EREG: variants seen among roughly 807,000 people sequenced by gnomAD.
EREG encodes the protein proepiregulin.
Under a neutral mutation model 22.4 loss-of-function variants are expected in EREG, and 23 were observed. The observed-to-expected ratio is 1.03, with a 90% confidence interval of 0.74 to 1.46. EREG has a LOEUF of 1.46. Ranked by LOEUF, EREG falls within the 40% of genes most tolerant of loss-of-function variation. The pLI, the probability that EREG is intolerant of heterozygous loss-of-function variation, is 0.00. For missense variants in EREG, 226 were observed against 205.9 expected (o/e 1.10, Z -0.60); for synonymous variants, 100 against 75.4 (o/e 1.33, Z -1.69).
chr4:74,384,120 T>G (rs1473045699), intron 4 of EREG, among the ~76,000 whole-genome samples: 23 of 152,188 alleles, frequency 1.5e-4, no homozygotes, highest in Admixed American at 1.5e-3. Flanking sequence ...GATAAATCTA[T>G]GAATCCTAGC....
intron 1 of EREG, among the ~76,000 whole-genome samples, chr4:74,368,424 T>C (rs1752227082): frequency 6.6e-6 from 1 of 152,166 alleles, no homozygotes; most frequent in African/African-American, 2.4e-5. Flanking sequence ...ATAAAGAGGG[T>C]AACTTATGTC....
chr4:74,371,923 A>C (rs947685508), intron 1 of EREG, among the ~76,000 whole-genome samples: 10 of 150,894 alleles, frequency 6.6e-5, no homozygotes, highest in Admixed American at 3.3e-4. Flanking sequence ...TACCACCCTT[A>C]GGTGTCCAAC....
intron 1 of EREG, among the ~76,000 whole-genome samples, chr4:74,369,277 G>T (rs1014395274): frequency 6.6e-6 from 1 of 151,634 alleles, no homozygotes; most frequent in African/African-American, 2.4e-5. Context: ...CTAATGTGTA[G>T]TTTTTTTTCA....
intron 1 of EREG, among the ~76,000 whole-genome samples, chr4:74,373,812 G>C (rs1013765579): frequency 1.3e-5 from 2 of 151,714 alleles, no homozygotes; most frequent in Non-Finnish European, 2.9e-5. Flanking sequence ...CTACTAGAAG[G>C]TGCTGACAGT....
intron 1 of EREG, among the ~76,000 whole-genome samples, chr4:74,372,112 G>A (rs894069978): frequency 6.6e-6 from 1 of 152,132 alleles, no homozygotes; most frequent in Non-Finnish European, 1.5e-5. Context: ...TTGATGATTG[G>A]ATTGTAACTA....
chr4:74,380,881 T>A lies in EREG; in HGVS notation c.155-133T>A, dbSNP rs891808399. 10 of 891,068 alleles carry A rather than the reference T, an allele frequency of 1.1e-5. No individual in the cohort carries two copies. In the East Asian group the frequency reaches 2.3e-4, roughly 20 times the overall value. 55.2% of individuals were successfully genotyped at this position (891,068 alleles called of 1,614,324 possible). ...GTGACAACTAGAGTGACTTCCTACT[T>A]CTCAAAATTCTCCTTGACAGATTGG... is the stretch of plus-strand genomic sequence containing the variant. On this transcript the variant is annotated intron_variant, in intron 2 of 4. Transcript: ENST00000244869.
chr4:74,376,091 C>A lies in EREG; in HGVS notation c.68-3357C>A, dbSNP rs181158848. Among the ~76,000 whole-genome samples, 456 of 152,246 alleles carry A rather than the reference C, an allele frequency of 3.0e-3. 1 individual carries two copies. Among genetic ancestry groups the A allele is most frequent in the South Asian group, 8.1e-3 (39 of 4,830 alleles). ...ACAAACATTTCACCTGTGGCCTGAACAACTGGAACAAAGTTTCCAACGGTG... is the reference window on the plus strand; with the variant it reads ...ACAAACATTTCACCTGTGGCCTGAAAAACTGGAACAAAGTTTCCAACGGTG... On this transcript the variant is annotated intron_variant, in intron 1 of 4. Transcript: ENST00000244869.
At position 74,387,997 on chromosome 4, in the gene EREG, T is replaced by C. The variant is rs1752600079; in HGVS notation, c.*3189T>C. 1 of 152,232 alleles carries C rather than the reference T, an allele frequency of 6.6e-6. No individual in the cohort carries two copies. The highest frequency in any genetic ancestry group is 1.9e-4 in the East Asian group (1 of 5,202). 9.4% of individuals were successfully genotyped at this position (152,232 alleles called of 1,614,324 possible). On this transcript the variant is annotated 3_prime_UTR_variant, in exon 5 of 5. Transcript: ENST00000244869. ...CCTGAATATTTTTTGCTCTAATCTCTCTGCCGAAAGTCAAAGTGATGGGAG... is the reference window on the plus strand; with the variant it reads ...CCTGAATATTTTTTGCTCTAATCTCCCTGCCGAAAGTCAAAGTGATGGGAG...
intron 1 of EREG, among the ~76,000 whole-genome samples, chr4:74,367,218 T>C (rs1421583099): frequency 6.6e-6 from 1 of 152,182 alleles, no homozygotes; most frequent in Non-Finnish European, 1.5e-5. Flanking sequence ...TTTGGTTACT[T>C]TTAAATTTTA....
At chr4:74,365,755 G>C (rs1328359823) in intron 1 of EREG, among the ~76,000 whole-genome samples, 1 of 146,416 alleles carries the variant, frequency 6.8e-6, no homozygotes, top group Non-Finnish European at 1.5e-5. Flanking sequence ...CCTTTTTGTT[G>C]GAGAGTGGGG....
chr4:74,375,220 T>C (rs925647216), intron 1 of EREG, among the ~76,000 whole-genome samples: 1 of 151,622 alleles, frequency 6.6e-6, no homozygotes, highest in Non-Finnish European at 1.5e-5. Flanking sequence ...ACTAAGGTCA[T>C]GAAAAGCCTG....
intron 1 of EREG, among the ~76,000 whole-genome samples, chr4:74,375,530 C>T (rs1388427298): frequency 1.3e-5 from 2 of 150,008 alleles, no homozygotes. Context: ...GGGGTTTTAC[C>T]GTGTTAGCCA....
At position 74,378,291 on chromosome 4, in the gene EREG, G is replaced by A. The variant is rs138947357; in HGVS notation, c.68-1157G>A. Among the ~76,000 whole-genome samples the A allele has an allele frequency of 1.6e-3, 240 of 152,072 alleles. 3 individuals carry two copies. The highest frequency in any genetic ancestry group is 5.2e-3 in the African/African-American group (217 of 41,472). On this transcript the variant is annotated intron_variant, in intron 1 of 4. Coordinates refer to ENST00000244869, the MANE Select transcript of EREG (RefSeq NM_001432.3). ...AGTAGGAAGTCATTCTAGTTATCAC[G>A]CACCCTAGGCCAATAAGCACCGGAA...
chr4:74,367,488 T>C (rs115672932), intron 1 of EREG, among the ~76,000 whole-genome samples: 1,965 of 152,344 alleles, frequency 0.013, 33 homozygotes, highest in African/African-American at 0.044. Flanking sequence ...TCTGCAGTTA[T>C]GTTCAGGGGC....
intron 1 of EREG, among the ~76,000 whole-genome samples, chr4:74,372,930 C>T (rs148765043): frequency 6.9e-4 from 103 of 149,220 alleles, no homozygotes; most frequent in African/African-American, 2.5e-3. Context: ...GCCTCAGCCT[C>T]CCGAGTAGTT....
rs1179129478 is a variant in EREG, at chr4:74,381,079, G to A, written c.220G>A (p.Gly74Ser). The A allele has an allele frequency of 1.2e-6, 2 of 1,613,492 alleles. No individual in the cohort carries two copies. Among genetic ancestry groups the A allele is most frequent in the Admixed American group, 1.7e-5 (1 of 59,990 alleles). Reference protein sequence around the residue: ...SITKCSSDMNGYCLHGQCIYL... With the variant: ...SITKCSSDMNSYCLHGQCIYL... ...AACAAAGTGTAGCTCTGACATGAAT[G>A]GCTATTGTTTGCATGGACAGTGCAT... The change falls in exon 3 of 5, where the codon GGC becomes AGC. Residue 74 changes from glycine (G) to serine (S), a missense_variant. Coordinates refer to ENST00000244869, the MANE Select transcript of EREG (RefSeq NM_001432.3).
In EREG at chr4:74,387,180, A is replaced by G. The variant is rs2110391593; in HGVS notation, c.*2372A>G. 2 of 152,260 alleles carry G rather than the reference A, an allele frequency of 1.3e-5. No individual in the cohort carries two copies. Among genetic ancestry groups the G allele is most frequent in the East Asian group, 3.9e-4 (2 of 5,188 alleles). The allele number at this position is 152,260 out of a possible 1,614,324, so 9.4% of individuals were successfully genotyped here. On this transcript the variant is annotated 3_prime_UTR_variant, in exon 5 of 5. Transcript: ENST00000244869. ...ATGCAAGCACTATGCCCTTTTATAT[A>G]AGTGACTTGAACATCTGTGCCCGAT...
Position 74,386,044 on chromosome 4 carries a change from A to G in EREG, c.*1236A>G, listed in dbSNP as rs1390396543. ...GAAAACTAGGGCTCATTTTCCTGAC[A>G]TTTGTTTATTTTTTGGAAGAGACAA... On this transcript the variant is annotated 3_prime_UTR_variant, in exon 5 of 5. Coordinates refer to ENST00000244869, the MANE Select transcript of EREG (RefSeq NM_001432.3). 1 of 359,880 alleles carries G rather than the reference A, an allele frequency of 2.8e-6. No individual in the cohort carries two copies. Among genetic ancestry groups the G allele is most frequent in the East Asian group, 3.8e-5 (1 of 26,076 alleles). 22.3% of individuals were successfully genotyped at this position (359,880 alleles called of 1,614,324 possible).
At position 74,377,291 on chromosome 4, in the gene EREG, A is replaced by G. The variant is rs564356078; in HGVS notation, c.68-2157A>G. On this transcript the variant is annotated intron_variant, in intron 1 of 4. Coordinates refer to ENST00000244869, the MANE Select transcript of EREG (RefSeq NM_001432.3). ...ACGTAGCTCAAGTTTTCCTCACAAG[A>G]CTGCCTTTCCACCATAATTTGTGGC... 4.6e-5 allele frequency among the ~76,000 whole-genome samples: 7 copies of G among 152,274 alleles called. No individual in the cohort carries two copies. In the East Asian group the frequency reaches 1.2e-3, roughly 25 times the overall value.
Sources: gnomAD v4.1 joint callset for allele counts (sites outside exome capture counted in the v4.1 genomes callset) on GRCh38, gnomAD v4.1.1 for gene constraint, MANE v1.5 for transcripts, NCBI Gene and HGNC (gene_info 2026-07-23, HGNC 2026-07-21) for gene names.